Variants in EPHA5 observed in about 807,000 individuals in gnomAD.
The protein encoded by EPHA5 is EPH receptor A5, also known as ephrin type-A receptor 5.
A neutral mutation model predicts 105.0 loss-of-function variants in EPHA5; 60 were observed. The observed-to-expected ratio is 0.57, with a 90% confidence interval of 0.46 to 0.71. The LOEUF is 0.71. EPHA5 is among the 30% of genes least tolerant of loss of function. EPHA5 has a pLI of 0.00. For missense variants in EPHA5, 1,218 were observed against 1,274.7 expected, an observed-to-expected ratio of 0.96 and a Z score of 0.68; for synonymous variants, 513 against 449.1, an observed-to-expected ratio of 1.14 and a Z score of -1.80.
chr4:65,390,448 T>A (rs1290456597), intron 8 of EPHA5, among the ~76,000 whole-genome samples: 2 of 152,038 alleles, frequency 1.3e-5, no homozygotes. Flanking sequence ...CTGGTGTTTC[T>A]CTGATGGCCC....
At chr4:65,492,538 CAAAAAAAAAA>C (rs10543479) in intron 4 of EPHA5, among the ~76,000 whole-genome samples, 37 of 84,906 alleles carry the variant, frequency 4.4e-4, no homozygotes, top group African/African-American at 1.6e-3. Context: ...GACATCTTTG[CAAAAAAAAAA>C]AAAAAAAAAA....
chr4:65,579,945 T>C (rs1741451055), intron 3 of EPHA5, among the ~76,000 whole-genome samples: 1 of 151,980 alleles, frequency 6.6e-6, no homozygotes. Context: ...TAAGATTGCT[T>C]CTATCATGCG....
At chr4:65,560,197 A>G (rs1369459502) in intron 3 of EPHA5, among the ~76,000 whole-genome samples, 2 of 152,170 alleles carry the variant, frequency 1.3e-5, no homozygotes, top group Non-Finnish European at 1.5e-5. Context: ...GAGATGAAAA[A>G]TGATAATTTG....
intron 1 of EPHA5, among the ~76,000 whole-genome samples, chr4:65,647,328 C>CAAAA (rs55995799): frequency 6.6e-4 from 47 of 70,812 alleles, no homozygotes; most frequent in African/African-American, 7.9e-4. Flanking sequence ...GACTCTGTCT[C>CAAAA]AAAAAAAAAA....
chr4:65,539,271 G>T (rs1736592204), intron 3 of EPHA5, among the ~76,000 whole-genome samples: 1 of 151,548 alleles, frequency 6.6e-6, no homozygotes, highest in South Asian at 2.1e-4. Flanking sequence ...CAAGCTAGAA[G>T]AAATTTCTTA....
chr4:65,574,838 A>T (rs565749289), intron 3 of EPHA5, among the ~76,000 whole-genome samples: 23 of 150,314 alleles, frequency 1.5e-4, no homozygotes, highest in African/African-American at 5.4e-4. Context: ...TCCATCACTA[A>T]TAAACTTTTC....
intron 3 of EPHA5, among the ~76,000 whole-genome samples, chr4:65,593,463 A>C (rs1239097511): frequency 6.6e-6 from 1 of 152,188 alleles, no homozygotes; most frequent in African/African-American, 2.4e-5. Context: ...GCTTTCTTTC[A>C]GTGCTTCTTA....
intron 3 of EPHA5, among the ~76,000 whole-genome samples, chr4:65,530,317 A>G (rs1229636619): frequency 6.6e-6 from 1 of 152,142 alleles, no homozygotes; most frequent in African/African-American, 2.4e-5. Flanking sequence ...TTCTGAAAAT[A>G]AAGATTAAAG....
At chr4:65,447,069 C>T (rs1217227755) in intron 5 of EPHA5, among the ~76,000 whole-genome samples, 1 of 150,286 alleles carries the variant, frequency 6.7e-6, no homozygotes, top group Non-Finnish European at 1.5e-5. Context: ...TCACTGTAAC[C>T]CTGAACTCCT....
At chr4:65,452,129 C>A (rs954706439) in intron 5 of EPHA5, among the ~76,000 whole-genome samples, 4 of 151,922 alleles carry the variant, frequency 2.6e-5, no homozygotes, top group Non-Finnish European at 2.9e-5. Context: ...AAATTAATTC[C>A]ATTGAAAAGT....
chr4:65,336,361 AAATG>A (rs1240058472), intron 14 of EPHA5, among the ~76,000 whole-genome samples: 1 of 152,128 alleles, frequency 6.6e-6, no homozygotes, highest in Non-Finnish European at 1.5e-5. Flanking sequence ...TAAATAAAAT[AAATG>A]GTAATCATTT....
intron 3 of EPHA5, among the ~76,000 whole-genome samples, chr4:65,537,971 G>A (rs930327279): frequency 6.6e-6 from 1 of 151,554 alleles, no homozygotes; most frequent in Non-Finnish European, 1.5e-5. Flanking sequence ...CCTATATTGG[G>A]GTGGCTTATT....
intron 3 of EPHA5, among the ~76,000 whole-genome samples, chr4:65,574,852 T>C (rs1740733309): frequency 6.6e-6 from 1 of 150,598 alleles, no homozygotes; most frequent in Non-Finnish European, 1.5e-5. Context: ...ACTTTTCTTA[T>C]AAAACCCTGC....
At chr4:65,659,319 G>GAAAAAAAAAAAAAAAAA (rs5858980) in intron 1 of EPHA5, among the ~76,000 whole-genome samples, 2 of 71,612 alleles carry the variant, frequency 2.8e-5, no homozygotes, top group African/African-American at 1.1e-4. Context: ...TAGAGTAACA[G>GAAAAAAAAAAAAAAAAA]AAAAAAAAAA....
At chr4:65,573,982 T>A (rs986973703) in intron 3 of EPHA5, 1 of 1,593,190 alleles carries the variant, frequency 6.3e-7, no homozygotes, top group Non-Finnish European at 8.6e-7. Context: ...GGCTTATTAC[T>A]TGTGACTGGA....
Position 65,322,179 on chromosome 4 carries a change from A to G in EPHA5, c.*1935T>C, listed in dbSNP as rs1172413991. ...GGTATATAGCCCTTATTATTATGAG[A>G]ACTGAATGTATTATTTGAAAACTGT... On this transcript the variant is annotated 3_prime_UTR_variant, in exon 17 of 17. Transcript: ENST00000613740. The G allele has an allele frequency of 8.9e-6, 2 of 224,386 alleles. No homozygotes were observed. Among genetic ancestry groups the G allele is most frequent in the Non-Finnish European group, 1.8e-5 (2 of 112,480 alleles). 13.9% of individuals were successfully genotyped at this position (224,386 alleles called of 1,614,324 possible).
At chr4:65,610,106 A>G (rs1011147005) in intron 2 of EPHA5, among the ~76,000 whole-genome samples, 11 of 152,106 alleles carry the variant, frequency 7.2e-5, no homozygotes, top group African/African-American at 2.7e-4. Context: ...TCAACAGCGA[A>G]CAGGATAAAA....
At chr4:65,482,089 G>T (rs183402428) in intron 5 of EPHA5, among the ~76,000 whole-genome samples, 1 of 152,206 alleles carries the variant, frequency 6.6e-6, no homozygotes, top group East Asian at 1.9e-4. Flanking sequence ...CCTGAGGTCA[G>T]GAGTTTGAGA....
At chr4:65,351,271 TTC>T in intron 13 of EPHA5, 116 bp downstream of exon 13, 6 of 906,252 alleles carry the variant, frequency 6.6e-6, no homozygotes, top group Non-Finnish European at 9.9e-6. Context: ...CTCCCCCTCA[TTC>T]TCTCTCTTTC....
Sources: allele counts gnomAD v4.1 joint callset (sites outside exome capture counted in the v4.1 genomes callset), GRCh38; gene constraint gnomAD v4.1.1; transcripts MANE v1.5; gene names NCBI Gene and HGNC (gene_info 2026-07-23, HGNC 2026-07-21).